The following DSCAM variants were observed in gnomAD, a reference collection of about 807,000 sequenced individuals.
DSCAM encodes the protein cell adhesion molecule DSCAM.
A neutral mutation model predicts 217.7 loss-of-function variants in DSCAM; 47 were observed. That is an observed-to-expected ratio of 0.22 (90% CI 0.17 to 0.28). The LOEUF is 0.28. Among genes scored for constraint, DSCAM ranks in the 10% least tolerant of loss-of-function variants. The probability of loss-of-function intolerance (pLI) is 1.00; values close to 1 mark genes in which losing one functional copy is unlikely to be tolerated. For synonymous variants in DSCAM, 1,056 were observed against 1,015.3 expected (o/e 1.04, Z -0.76); for missense variants, 2,080 against 2,618.3 (o/e 0.79, Z 4.49).
chr21:40,679,672 A>C (rs2146419934), intron 3 of DSCAM, among the ~76,000 whole-genome samples: 1 of 152,336 alleles, frequency 6.6e-6, no homozygotes, highest in East Asian at 1.9e-4. Flanking sequence ...AAAATATAAG[A>C]TCCTTTCATT....
chr21:40,486,202 C>A (rs573275042), intron 3 of DSCAM, among the ~76,000 whole-genome samples: 1 of 152,294 alleles, frequency 6.6e-6, no homozygotes, highest in East Asian at 1.9e-4. Flanking sequence ...GTCAACAAAG[C>A]ACATGAAATG....
intron 2 of DSCAM, among the ~76,000 whole-genome samples, chr21:40,701,142 TAATA>T (rs2090652391): frequency 6.6e-6 from 1 of 152,242 alleles, no homozygotes; most frequent in African/African-American, 2.4e-5. Context: ...TTAAATTCTT[TAATA>T]GATATAGGGC....
intron 10 of DSCAM, among the ~76,000 whole-genome samples, chr21:40,282,136 C>T (rs2073768565): frequency 6.6e-6 from 1 of 152,114 alleles, no homozygotes; most frequent in Non-Finnish European, 1.5e-5. Flanking sequence ...AAGCCTTCAA[C>T]TTTTATTTAA....
At chr21:40,176,995 G>A (rs181152025) in intron 15 of DSCAM, among the ~76,000 whole-genome samples, 4 of 152,368 alleles carry the variant, frequency 2.6e-5, no homozygotes, top group East Asian at 3.9e-4. Flanking sequence ...ATGCACCACC[G>A]GAAAAATGCT....
chr21:40,037,542 C>G (rs937925777), intron 32 of DSCAM, among the ~76,000 whole-genome samples: 1 of 148,190 alleles, frequency 6.7e-6, no homozygotes, highest in Admixed American at 6.6e-5. Context: ...GAAGAACATT[C>G]TATGCTCATG....
chr21:40,052,134 C>T (rs375235951), intron 29 of DSCAM, 27 bp from the exon 30 acceptor site: 6 of 1,611,370 alleles, frequency 3.7e-6, no homozygotes, highest in South Asian at 3.3e-5. Context: ...ACACAGAAAG[C>T]CAAACACGTT....
At position 40,683,434 on chromosome 21, in the gene DSCAM, G is replaced by GAAAGAAA. The variant is rs559269818; in HGVS notation, c.508+9369_508+9375dup. 1.2e-4 allele frequency among the ~76,000 whole-genome samples: 18 copies of GAAAGAAA among 151,550 alleles called. No homozygotes were observed. The East Asian group carries it at 3.3e-3, about 28-fold the overall frequency. On this transcript the variant is annotated intron_variant, in intron 3 of 32. Coordinates refer to ENST00000400454, the MANE Select transcript of DSCAM (RefSeq NM_001389.5). ...GAAAGGAGTGTGTGACAGAGAGAGA[G>GAAAGAAA]AAAGAAAAAAGAAAGAAGGAAGGAA... is the stretch of plus-strand genomic sequence containing the variant.
intron 19 of DSCAM, 55 bp downstream of exon 19, chr21:40,133,799 C>G: frequency 1.3e-6 from 2 of 1,547,042 alleles, no homozygotes; most frequent in Non-Finnish European, 1.7e-6. Flanking sequence ...AGTGAGCTCT[C>G]TGTGACCCAG....
intron 3 of DSCAM, among the ~76,000 whole-genome samples, chr21:40,605,770 T>C (rs939652380): frequency 6.6e-6 from 1 of 150,460 alleles, no homozygotes; most frequent in Non-Finnish European, 1.5e-5. Flanking sequence ...TCTTCACTTA[T>C]ATATGTGCTT....
chr21:40,208,866 C>T (rs777786793), intron 11 of DSCAM, among the ~76,000 whole-genome samples: 1 of 152,140 alleles, frequency 6.6e-6, no homozygotes, highest in African/African-American at 2.4e-5. Flanking sequence ...CCAATCTGAT[C>T]CTCTAGGAAG....
intron 3 of DSCAM, among the ~76,000 whole-genome samples, chr21:40,531,502 A>C (rs2076446600): frequency 6.6e-6 from 1 of 152,190 alleles, no homozygotes; most frequent in South Asian, 2.1e-4. Flanking sequence ...GGACCACGTC[A>C]GTATTTCCAC....
intron 1 of DSCAM, among the ~76,000 whole-genome samples, chr21:40,739,338 A>G (rs755894422): frequency 8.5e-4 from 129 of 152,176 alleles, no homozygotes; most frequent in Non-Finnish European, 1.4e-3. Flanking sequence ...TGGTCCAGCA[A>G]AAGGATGTAT....
intron 21 of DSCAM, among the ~76,000 whole-genome samples, chr21:40,088,901 G>GTGTATGTGCAAACA (rs1479376347): frequency 5.3e-5 from 8 of 152,220 alleles, no homozygotes; most frequent in Non-Finnish European, 1.2e-4. Context: ...TTGGGATGTT[G>GTGTATGTGCAAACA]TGTATGTGCA....
intron 3 of DSCAM, among the ~76,000 whole-genome samples, chr21:40,555,965 G>A (rs571381300): frequency 6.6e-6 from 1 of 152,106 alleles, no homozygotes; most frequent in Non-Finnish European, 1.5e-5. Context: ...ATTACTTGAG[G>A]ACAAGTTGGG....
intron 28 of DSCAM, among the ~76,000 whole-genome samples, chr21:40,058,258 T>C (rs1417715200): frequency 2.0e-5 from 3 of 152,118 alleles, no homozygotes; most frequent in Admixed American, 2.0e-4. Flanking sequence ...ACCCACATAC[T>C]GGCTCCCTTG....
At chr21:40,029,367 G>A (rs555478785) in intron 32 of DSCAM, among the ~76,000 whole-genome samples, 149 of 104,936 alleles carry the variant, frequency 1.4e-3, no homozygotes, top group African/African-American at 3.8e-3. Context: ...CATGCCCTCT[G>A]GGCCCCAGAC....
chr21:40,172,142 G>C (rs1420185836), intron 15 of DSCAM, among the ~76,000 whole-genome samples: 3 of 152,162 alleles, frequency 2.0e-5, no homozygotes, highest in Non-Finnish European at 2.9e-5. Context: ...AGTGGTACAT[G>C]CCCATAATCC....
chr21:40,608,311 C>T (rs377423212), intron 3 of DSCAM, among the ~76,000 whole-genome samples: 1 of 152,102 alleles, frequency 6.6e-6, no homozygotes, highest in African/African-American at 2.4e-5. Flanking sequence ...ATATTTGAAA[C>T]TGCAAAGAAC....
chr21:40,306,274 ATTTTTGTACATTGAT>A (rs2074075346), intron 9 of DSCAM, among the ~76,000 whole-genome samples: 1 of 145,306 alleles, frequency 6.9e-6, no homozygotes. Flanking sequence ...AATGCTTGTG[ATTTTTGTACATTGAT>A]TTTGTATCCT....
Sources: gnomAD v4.1 joint callset for allele counts (sites outside exome capture counted in the v4.1 genomes callset) on GRCh38, gnomAD v4.1.1 for gene constraint, MANE v1.5 for transcripts, NCBI Gene and HGNC (gene_info 2026-07-23, HGNC 2026-07-21) for gene names.